The following HFM1 variants were observed in gnomAD, a reference collection of about 807,000 sequenced individuals.
HFM1 encodes probable ATP-dependent DNA helicase HFM1.
In HFM1, 169 loss-of-function variants were observed where a neutral mutation model predicts 192.1. That is an observed-to-expected ratio of 0.88 (90% confidence interval 0.78 to 1.00). HFM1 has a LOEUF of 1.00. Among genes scored for constraint, HFM1 ranks in the 50% least tolerant of loss-of-function variants. The probability of loss-of-function intolerance (pLI) is 0.00; values close to 1 mark genes in which losing one functional copy is unlikely to be tolerated. For synonymous variants in HFM1, 525 were observed against 537.8 expected (o/e 0.98, Z 0.33); for missense variants, 1,661 against 1,668.0 (o/e 1.00, Z 0.07).
chr1:91,276,929 C>A (rs530814818), intron 31 of HFM1, 53 bp downstream of exon 31: 5 of 1,105,754 alleles, frequency 4.5e-6, no homozygotes, highest in Non-Finnish European at 5.3e-6. Context: ...TACTATCCAC[C>A]AAAGACCTTT....
rs192588114 is a variant in HFM1 at position 91,340,632 on chromosome 1, C to A, written c.2335+2798G>T. ...CCTTGAATATAAACAGACTATAATA[C>A]CCCACTTAAAAGGCGCAGAGTGACA... is the stretch of plus-strand genomic sequence containing the variant. On this transcript the variant is annotated intron_variant, in intron 20 of 38. Transcript: ENST00000370425. 3.8e-3 allele frequency among the ~76,000 whole-genome samples: 572 copies of A among 152,160 alleles called. 2 individuals carry two copies. Among genetic ancestry groups the A allele is most frequent in the Non-Finnish European group, 6.6e-3 (450 of 68,012 alleles).
chr1:91,364,340 T>C (rs749867066), intron 13 of HFM1, among the ~76,000 whole-genome samples: 16 of 151,872 alleles, frequency 1.1e-4, no homozygotes, highest in Non-Finnish European at 1.8e-4. Flanking sequence ...ACACTGTTGG[T>C]GGGAATGCAG....
At chr1:91,291,877 G>A (rs981417909) in intron 30 of HFM1, among the ~76,000 whole-genome samples, 2 of 152,106 alleles carry the variant, frequency 1.3e-5, no homozygotes, top group Non-Finnish European at 2.9e-5. Flanking sequence ...CTTCATCCCT[G>A]GGATGCAAGG....
rs116041361 is a variant in HFM1 at position 91,330,877 on chromosome 1, T to C, written c.2336-6111A>G. On this transcript the variant is annotated intron_variant, in intron 20 of 38. Transcript: ENST00000370425. ...ACAAATCAACCAATGTGATACATCA[T>C]ATCAAGACAATGAAGAACAAAAATC... Among the ~76,000 whole-genome samples the C allele has an allele frequency of 7.1e-3, 1,085 of 152,280 alleles. 15 individuals carry two copies. Among genetic ancestry groups the C allele is most frequent in the African/African-American group, 0.024 (1,013 of 41,560 alleles).
chr1:91,325,087 A>ACCTGC (rs71311989), intron 20 of HFM1, among the ~76,000 whole-genome samples: 15,107 of 152,118 alleles, frequency 0.099, 1,049 homozygotes, highest in African/African-American at 0.2. Context: ...GCATTTCTGG[A>ACCTGC]CCTGCCCTGG....
chr1:91,374,802 TG>T (rs1338614004), intron 13 of HFM1, among the ~76,000 whole-genome samples: 2 of 152,138 alleles, frequency 1.3e-5, no homozygotes, highest in Non-Finnish European at 2.9e-5. Flanking sequence ...GGCATAAATG[TG>T]GGAATTCATA....
chr1:91,317,851 T>G (rs1251274706), intron 25 of HFM1, among the ~76,000 whole-genome samples: 1 of 152,218 alleles, frequency 6.6e-6, no homozygotes, highest in East Asian at 1.9e-4. Flanking sequence ...ATTTGACTTT[T>G]TGTTTAGATT....
chr1:91,277,145 C>T, intron 30 of HFM1, 83 bp from the exon 31 acceptor site: 1 of 699,568 alleles, frequency 1.4e-6, no homozygotes, highest in Non-Finnish European at 2.3e-6. Context: ...TATCCAGTTT[C>T]CTTCCTTTCA....
intron 32 of HFM1, among the ~76,000 whole-genome samples, chr1:91,275,253 G>C (rs1666704121): frequency 6.6e-6 from 1 of 152,140 alleles, no homozygotes; most frequent in Non-Finnish European, 1.5e-5. Context: ...AAAGTGCTGG[G>C]ATTACAGGCG....
intron 30 of HFM1, among the ~76,000 whole-genome samples, chr1:91,300,688 C>T (rs897609673): frequency 2.0e-5 from 3 of 152,030 alleles, no homozygotes; most frequent in African/African-American, 4.8e-5. Context: ...AAAAACCACA[C>T]GATTATCTCA....
chr1:91,336,424 C>T (rs1280728345), intron 20 of HFM1, among the ~76,000 whole-genome samples: 1 of 151,632 alleles, frequency 6.6e-6, no homozygotes, highest in Non-Finnish European at 1.5e-5. Context: ...CCTTCTTTTC[C>T]TACTTCCCTC....
chr1:91,283,039 G>T (rs1480464982), intron 30 of HFM1, among the ~76,000 whole-genome samples: 3 of 152,074 alleles, frequency 2.0e-5, no homozygotes, highest in Non-Finnish European at 4.4e-5. Context: ...TTGTTTGTTT[G>T]TTTATAGAAC....
intron 20 of HFM1, chr1:91,328,564 A>C (rs1387855522): frequency 5.6e-6 from 9 of 1,611,434 alleles, no homozygotes; most frequent in Non-Finnish European, 7.6e-6. Context: ...TGAGACCACC[A>C]GCCACCTGAT....
At chr1:91,276,048 G>A (rs1023567903) in intron 32 of HFM1, among the ~76,000 whole-genome samples, 1 of 152,096 alleles carries the variant, frequency 6.6e-6, no homozygotes, top group Non-Finnish European at 1.5e-5. Flanking sequence ...TACTGAGAAA[G>A]AGTTTCTTTA....
intron 33 of HFM1, 70 bp from the exon 34 acceptor site, chr1:91,273,885 A>G: frequency 1.2e-6 from 1 of 828,450 alleles, no homozygotes; most frequent in Admixed American, 2.3e-5. Flanking sequence ...AAAACTATTT[A>G]TTCATATAAA....
chr1:91,357,909 C>A (rs1657962489), intron 13 of HFM1, among the ~76,000 whole-genome samples: 1 of 152,112 alleles, frequency 6.6e-6, no homozygotes, highest in South Asian at 2.1e-4. Context: ...AAGATCTGTA[C>A]ACTGAAAGCT....
Position 91,352,708 on chromosome 1 carries a change from C to T in HFM1, c.1832-57G>A. The stretch of plus-strand genomic sequence containing the variant: ...CCATTTAACTTTGTTGCTTCAGGAA[C>T]ATTTTTTAATAAAAGACATTCTTAT... On this transcript the variant is annotated intron_variant, in intron 15 of 38. Coordinates refer to ENST00000370425, the MANE Select transcript of HFM1 (RefSeq NM_001017975.6). The T allele has an allele frequency of 1.4e-5, 18 of 1,300,854 alleles. 1 individual carries two copies. The highest frequency in any genetic ancestry group is 1.2e-4 in the South Asian group (7 of 56,344). 80.6% of individuals were successfully genotyped at this position (1,300,854 alleles called of 1,614,324 possible). A position where few individuals can be genotyped will look rare whatever the true frequency, so the allele number is the denominator to read the frequency against.
intron 30 of HFM1, among the ~76,000 whole-genome samples, chr1:91,280,382 G>A (rs1005336406): frequency 6.6e-6 from 1 of 152,206 alleles, no homozygotes. Context: ...TATGTAAGAT[G>A]AGACTATAGT....
Position 91,380,155 on chromosome 1 carries a change from T to C in HFM1, c.955A>G (p.Arg319Gly), listed in dbSNP as rs1661384417. The C allele has an allele frequency of 2.7e-6, 4 of 1,505,250 alleles. No homozygotes were observed. The highest frequency in any genetic ancestry group is 2.4e-5 in the South Asian group (2 of 83,192). The allele number at this position is 1,505,250 out of a possible 1,614,324, so 93.2% of individuals were successfully genotyped here. ...GGCAATGGTACTTCCATTAACAATCTTGTTATAGCTAGTTCAAACACTACA... is the reference window on the plus strand; with the variant it reads ...GGCAATGGTACTTCCATTAACAATCCTGTTATAGCTAGTTCAAACACTACA... ...KTVVFELAIT[R>G]LLMEVPLPWL... Residue 319 changes from arginine (R) to glycine (G), a missense_variant, in exon 8 of 39, where the codon AGA becomes GGA. Arg to Gly is a moderately radical substitution (Grantham distance 125). Coordinates refer to ENST00000370425, the MANE Select transcript of HFM1 (RefSeq NM_001017975.6).
Sources: allele counts gnomAD v4.1 joint callset (sites outside exome capture counted in the v4.1 genomes callset), GRCh38; gene constraint gnomAD v4.1.1; transcripts MANE v1.5; gene names NCBI Gene and HGNC (gene_info 2026-07-23, HGNC 2026-07-21).